Variants in HMCN1 observed in about 807,000 individuals in gnomAD.
HMCN1 encodes the protein hemicentin 1.
Under a neutral mutation model 625.9 loss-of-function variants are expected in HMCN1, and 321 were observed. That is an observed-to-expected ratio of 0.51 (90% CI 0.47 to 0.56). The LOEUF is 0.56. Ranked by LOEUF, HMCN1 falls within the 20% of genes least tolerant of loss-of-function variation. The pLI is 0.00. For missense variants in HMCN1, 6,588 were observed against 6,887.3 expected, an observed-to-expected ratio of 0.96 and a Z score of 1.54; for synonymous variants, 2,425 against 2,417.6, an observed-to-expected ratio of 1.00 and a Z score of -0.09.
intron 11 of HMCN1, among the ~76,000 whole-genome samples, chr1:185,939,487 G>A (rs979788836): frequency 1.3e-5 from 2 of 152,174 alleles, no homozygotes; most frequent in African/African-American, 2.4e-5. Flanking sequence ...ATTGTTTGGG[G>A]GCAGCAGAAC....
intron 4 of HMCN1, among the ~76,000 whole-genome samples, chr1:185,867,489 G>A (rs537352003): frequency 6.6e-6 from 1 of 152,280 alleles, no homozygotes; most frequent in South Asian, 2.1e-4. Flanking sequence ...ACAGTGAGCA[G>A]CATTAAGTGG....
intron 67 of HMCN1, 41 bp downstream of exon 67, chr1:186,094,414 A>G (rs1229834088): frequency 2.8e-6 from 4 of 1,417,640 alleles, no homozygotes; most frequent in African/African-American, 1.4e-5. Flanking sequence ...TGCTATGTCA[A>G]GTATTAAGCA....
intron 11 of HMCN1, among the ~76,000 whole-genome samples, chr1:185,960,794 G>T (rs2102554191): frequency 6.6e-6 from 1 of 152,298 alleles, no homozygotes; most frequent in Admixed American, 6.5e-5. Flanking sequence ...AGGAAGATGG[G>T]ACTGAATAAA....
At chr1:185,818,381 G>A (rs998382119) in intron 1 of HMCN1, among the ~76,000 whole-genome samples, 6 of 152,072 alleles carry the variant, frequency 3.9e-5, no homozygotes, top group African/African-American at 9.7e-5. Context: ...TGGCATGGAT[G>A]TAAGTGTTTG....
chr1:185,871,127 G>GAGA (rs1397445478), intron 4 of HMCN1, among the ~76,000 whole-genome samples: 1 of 151,956 alleles, frequency 6.6e-6, no homozygotes, highest in Non-Finnish European at 1.5e-5. Context: ...TACTCAGGAG[G>GAGA]CTGAGGCAAG....
intron 1 of HMCN1, among the ~76,000 whole-genome samples, chr1:185,762,230 G>T (rs1655558158): frequency 6.6e-6 from 1 of 152,206 alleles, no homozygotes; most frequent in Non-Finnish European, 1.5e-5. Context: ...GGGCTGCCTT[G>T]ATAGTTTTAA....
Position 186,137,490 on chromosome 1 carries a change from AT to A in HMCN1, c.13583-5del. Reference sequence around the variant, plus strand: ...AAGCTTAGACAAAGTACAATGTTTTATTTGCAGTTCATGGTGGATTTTCCCA... The same window carrying A: ...AAGCTTAGACAAAGTACAATGTTTTATTGCAGTTCATGGTGGATTTTCCCA... On this transcript the variant is annotated splice_polypyrimidine_tract_variant and splice_region_variant and intron_variant, in intron 87 of 106. Coordinates refer to ENST00000271588, the MANE Select transcript of HMCN1 (RefSeq NM_031935.3). 2 of 1,612,622 alleles carry A rather than the reference AT, an allele frequency of 1.2e-6. No homozygotes were observed. The highest frequency in any genetic ancestry group is 1.7e-6 in the Non-Finnish European group (2 of 1,179,426).
intron 55 of HMCN1, 48 bp from the exon 56 acceptor site, chr1:186,081,159 G>A (rs1558205212): frequency 2.7e-6 from 4 of 1,478,446 alleles, no homozygotes; most frequent in Non-Finnish European, 3.8e-6. Context: ...GCATGATTTA[G>A]AAAAGACTGT....
chr1:186,138,894 A>T (rs1164917761), intron 89 of HMCN1, among the ~76,000 whole-genome samples: 1 of 152,188 alleles, frequency 6.6e-6, no homozygotes, highest in Non-Finnish European at 1.5e-5. Flanking sequence ...CTGTTCATTT[A>T]TTCATTCATT....
At chr1:186,002,744 T>C (rs1287095071) in intron 28 of HMCN1, among the ~76,000 whole-genome samples, 1 of 152,052 alleles carries the variant, frequency 6.6e-6, no homozygotes, top group Non-Finnish European at 1.5e-5. Flanking sequence ...AATACCTTAG[T>C]TTTATATCAA....
intron 34 of HMCN1, among the ~76,000 whole-genome samples, chr1:186,019,154 C>T (rs894555625): frequency 6.6e-6 from 1 of 151,986 alleles, no homozygotes; most frequent in African/African-American, 2.4e-5. Context: ...ATTCAATCAG[C>T]CTTGCAGGGG....
intron 11 of HMCN1, among the ~76,000 whole-genome samples, chr1:185,946,674 C>T (rs1668361688): frequency 6.6e-6 from 1 of 152,192 alleles, no homozygotes; most frequent in Non-Finnish European, 1.5e-5. Flanking sequence ...TTCTTCCTAT[C>T]AACCATATTT....
intron 1 of HMCN1, among the ~76,000 whole-genome samples, chr1:185,753,171 A>G (rs907502428): frequency 1.3e-5 from 2 of 152,154 alleles, no homozygotes; most frequent in Non-Finnish European, 2.9e-5. Flanking sequence ...GGAATATACA[A>G]TAACTTCTTT....
chr1:185,892,776 C>G (rs1558045674), intron 4 of HMCN1, among the ~76,000 whole-genome samples: 2 of 152,164 alleles, frequency 1.3e-5, no homozygotes, highest in African/African-American at 4.8e-5. Flanking sequence ...TTGTCTGTGC[C>G]CTGCCCCCAG....
intron 11 of HMCN1, among the ~76,000 whole-genome samples, chr1:185,934,622 G>A (rs1028049717): frequency 2.6e-5 from 4 of 152,084 alleles, no homozygotes; most frequent in African/African-American, 9.7e-5. Context: ...TACTGTTGGC[G>A]GTTTTTCACT....
At chr1:186,171,192 G>T in intron 100 of HMCN1, 145 bp from the exon 101 acceptor site, 1 of 637,546 alleles carries the variant, frequency 1.6e-6, no homozygotes. Flanking sequence ...CAAGTATTTG[G>T]CAGATCACAT....
chr1:186,034,546 GT>G (rs1196925356), intron 36 of HMCN1, among the ~76,000 whole-genome samples: 1 of 152,114 alleles, frequency 6.6e-6, no homozygotes, highest in African/African-American at 2.4e-5. Context: ...GGCCAGACAG[GT>G]CAAATAATGA....
chr1:185,764,578 A>G (rs1337188234), intron 1 of HMCN1, among the ~76,000 whole-genome samples: 2 of 152,088 alleles, frequency 1.3e-5, no homozygotes, highest in Non-Finnish European at 2.9e-5. Flanking sequence ...TGACTTATGG[A>G]TCTAATATTA....
intron 46 of HMCN1, 58 bp from the exon 47 acceptor site, chr1:186,061,793 C>A: frequency 8.4e-7 from 1 of 1,191,838 alleles, no homozygotes; most frequent in Non-Finnish European, 1.2e-6. Context: ...ACTTGGATGG[C>A]TTATAAAGTT....
Sources: gnomAD v4.1 joint callset for allele counts (sites outside exome capture counted in the v4.1 genomes callset) on GRCh38, gnomAD v4.1.1 for gene constraint, MANE v1.5 for transcripts, NCBI Gene and HGNC (gene_info 2026-07-23, HGNC 2026-07-21) for gene names.